Variants in SBF2 observed in about 807,000 individuals in gnomAD.
SBF2 encodes SET binding factor 2, also known as myotubularin-related protein 13.
SBF2 carries 112 observed loss-of-function variants against 225.2 expected under a neutral mutation model. That is an observed-to-expected ratio of 0.50 (90% CI 0.43 to 0.58). The LOEUF is 0.58. SBF2 is among the 20% of genes least tolerant of loss of function. The pLI, the probability that SBF2 is intolerant of heterozygous loss-of-function variation, is 0.00. For missense variants in SBF2, 1,996 were observed against 2,206.2 expected (o/e 0.90, Z 1.91); for synonymous variants, 763 against 773.3 (o/e 0.99, Z 0.22).
intron 17 of SBF2, among the ~76,000 whole-genome samples, chr11:9,889,306 T>C (rs1860603613): frequency 6.6e-6 from 1 of 152,210 alleles, no homozygotes; most frequent in African/African-American, 2.4e-5. Flanking sequence ...TTTTTCCAGG[T>C]AGACTTTCCT....
At position 9,870,224 on chromosome 11, in the gene SBF2, A is replaced by G. The variant is rs191611399; in HGVS notation, c.1930-11828T>C. ...CAGAGAGGACACAAACAAATGGAAAAACATTCCATGCTCATGTATTTGAAG... is the reference window on the plus strand; with the variant it reads ...CAGAGAGGACACAAACAAATGGAAAGACATTCCATGCTCATGTATTTGAAG... On this transcript the variant is annotated intron_variant, in intron 17 of 39. Coordinates refer to ENST00000256190, the MANE Select transcript of SBF2 (RefSeq NM_030962.4). Among the ~76,000 whole-genome samples, 14 of 152,336 alleles carry G rather than the reference A, an allele frequency of 9.2e-5. No individual in the cohort carries two copies. In the East Asian group the frequency reaches 2.7e-3, roughly 29 times the overall value.
intron 14 of SBF2, among the ~76,000 whole-genome samples, chr11:9,965,863 T>C (rs545182156): frequency 3.0e-4 from 45 of 152,296 alleles, no homozygotes; most frequent in African/African-American, 9.6e-4. Flanking sequence ...GAAATGCTCA[T>C]TCATAATTGT....
chr11:9,904,705 A>C (rs1483964042), intron 16 of SBF2, among the ~76,000 whole-genome samples: 1 of 152,216 alleles, frequency 6.6e-6, no homozygotes, highest in Admixed American at 6.5e-5. Flanking sequence ...TGGATTTAAA[A>C]AAATTGACCT....
chr11:9,986,654 G>A (rs1320473859), intron 13 of SBF2, among the ~76,000 whole-genome samples: 2 of 151,960 alleles, frequency 1.3e-5, no homozygotes, highest in East Asian at 1.9e-4. Context: ...ACACCTTTAC[G>A]CACATAAACT....
chr11:9,889,888 C>T (rs1286404449), intron 17 of SBF2, among the ~76,000 whole-genome samples: 1 of 151,968 alleles, frequency 6.6e-6, no homozygotes, highest in African/African-American at 2.4e-5. Context: ...AAATGTTCTA[C>T]CTATTTATTT....
intron 18 of SBF2, among the ~76,000 whole-genome samples, chr11:9,857,253 C>T (rs35266830): frequency 6.6e-6 from 1 of 152,190 alleles, no homozygotes; most frequent in Non-Finnish European, 1.5e-5. Context: ...AGCAAAGCAC[C>T]TTATAGCTTG....
At chr11:10,019,392 AT>A (rs1472346306) in intron 6 of SBF2, among the ~76,000 whole-genome samples, 1 of 152,200 alleles carries the variant, frequency 6.6e-6, no homozygotes. Context: ...TTTGCTTCAA[AT>A]CCCCAAAGAA....
At chr11:10,304,240 G>A (rs147202347) in intron 1 of SBF2, among the ~76,000 whole-genome samples, 43 of 152,328 alleles carry the variant, frequency 2.8e-4, no homozygotes, top group African/African-American at 7.2e-4. Context: ...GCGTTAGTGT[G>A]CTCCCTGGCA....
At chr11:9,992,571 A>C (rs1343369564) in intron 11 of SBF2, 28 bp from the exon 12 acceptor site, 3 of 1,605,418 alleles carry the variant, frequency 1.9e-6, no homozygotes, top group South Asian at 2.2e-5. Flanking sequence ...GTGAAATAAT[A>C]ATTTATCACT....
At chr11:10,188,715 C>T (rs1454256826) in intron 2 of SBF2, among the ~76,000 whole-genome samples, 1 of 152,096 alleles carries the variant, frequency 6.6e-6, no homozygotes, top group African/African-American at 2.4e-5. Context: ...AATCTACTAC[C>T]TCACATGCAC....
At chr11:9,995,753 T>A (rs2134484116) in intron 9 of SBF2, among the ~76,000 whole-genome samples, 1 of 151,446 alleles carries the variant, frequency 6.6e-6, no homozygotes, top group South Asian at 2.1e-4. Context: ...TGGGTTCAAG[T>A]GAGCCTCCTG....
chr11:10,240,455 C>A (rs1591289364), intron 1 of SBF2, among the ~76,000 whole-genome samples: 1 of 151,980 alleles, frequency 6.6e-6, no homozygotes, highest in South Asian at 2.1e-4. Context: ...AGCTGAAATA[C>A]GAATCATCAT....
chr11:9,900,436 A>AT (rs1861631604), intron 16 of SBF2, among the ~76,000 whole-genome samples: 1 of 151,744 alleles, frequency 6.6e-6, no homozygotes, highest in Non-Finnish European at 1.5e-5. Flanking sequence ...CTGCATAACC[A>AT]TTTTTCCCAC....
chr11:9,915,275 T>C (rs1009033338), intron 16 of SBF2, among the ~76,000 whole-genome samples: 31 of 151,840 alleles, frequency 2.0e-4, no homozygotes, highest in African/African-American at 7.0e-4. Context: ...GGTGAAACCC[T>C]ATCTCTACTA....
At chr11:9,919,772 G>T (rs539813149) in intron 16 of SBF2, among the ~76,000 whole-genome samples, 1 of 152,030 alleles carries the variant, frequency 6.6e-6, no homozygotes, top group Non-Finnish European at 1.5e-5. Context: ...TTGGGCATAA[G>T]ACAATATGAG....
At chr11:10,269,276 C>T (rs1489471298) in intron 1 of SBF2, among the ~76,000 whole-genome samples, 1 of 152,188 alleles carries the variant, frequency 6.6e-6, no homozygotes, top group African/African-American at 2.4e-5. Flanking sequence ...AAAACACACA[C>T]TGGCAGCCTC....
chr11:10,058,433 T>C (rs926244806), intron 2 of SBF2, among the ~76,000 whole-genome samples: 4 of 152,084 alleles, frequency 2.6e-5, no homozygotes, highest in Admixed American at 6.6e-5. Flanking sequence ...TGAAGACTGG[T>C]TCTCTCAAAA....
intron 14 of SBF2, among the ~76,000 whole-genome samples, chr11:9,965,738 C>T (rs1866866104): frequency 6.6e-6 from 1 of 152,196 alleles, no homozygotes; most frequent in Non-Finnish European, 1.5e-5. Flanking sequence ...TGGCATAATA[C>T]AATGAATGAG....
chr11:9,982,427 AT>A (rs1946997865), intron 13 of SBF2, among the ~76,000 whole-genome samples: 1 of 152,258 alleles, frequency 6.6e-6, no homozygotes, highest in Non-Finnish European at 1.5e-5. Context: ...AATGTGGTCT[AT>A]TTTGATATAC....
Sources: gnomAD v4.1 joint callset for allele counts (sites outside exome capture counted in the v4.1 genomes callset) on GRCh38, gnomAD v4.1.1 for gene constraint, MANE v1.5 for transcripts, NCBI Gene and HGNC (gene_info 2026-07-23, HGNC 2026-07-21) for gene names.